KDM7A: variants seen among roughly 807,000 people sequenced by gnomAD.
The protein encoded by KDM7A is lysine demethylase 7A.
In KDM7A, 28 loss-of-function variants were observed where a neutral mutation model predicts 114.8. The ratio of observed to expected loss-of-function variants is 0.24; its 90% CI spans 0.18 to 0.33. The LOEUF is 0.33. KDM7A is among the 10% of genes least tolerant of loss of function. The pLI is 1.00. For synonymous variants in KDM7A, 423 were observed against 397.8 expected (o/e 1.06, Z -0.75); for missense variants, 942 against 1,142.5 (o/e 0.82, Z 2.53).
intron 1 of KDM7A, among the ~76,000 whole-genome samples, chr7:140,144,397 T>C (rs528890292): frequency 5.9e-5 from 9 of 152,224 alleles, no homozygotes; most frequent in African/African-American, 1.9e-4. Flanking sequence ...CTATAAACTC[T>C]TGAAATAAAG....
At chr7:140,097,357 T>C (rs1190720400) in intron 15 of KDM7A, among the ~76,000 whole-genome samples, 188 bp downstream of exon 15, 1 of 152,216 alleles carries the variant, frequency 6.6e-6, no homozygotes, top group Non-Finnish European at 1.5e-5. Context: ...ACAAAAGCTC[T>C]ATGTCTCAAA....
chr7:140,087,856 T>G lies in KDM7A; in HGVS notation c.*3238A>C, dbSNP rs1193370664. 6.6e-6 allele frequency: 1 copy of G among 152,204 alleles called. No individual in the cohort carries two copies. The highest frequency in any genetic ancestry group is 1.5e-5 in the Non-Finnish European group (1 of 68,036). The allele number at this position is 152,204 out of a possible 1,614,324, so 9.4% of individuals were successfully genotyped here. On this transcript the variant is annotated 3_prime_UTR_variant, in exon 20 of 20. Transcript: ENST00000397560. ...GAAACTAAAAAAGTCAGCATGTTTT[T>G]TAATGAACAGGTCCTCTTTTGCTCA...
chr7:140,175,897 T>C (rs973135715), intron 1 of KDM7A, among the ~76,000 whole-genome samples: 2 of 152,046 alleles, frequency 1.3e-5, no homozygotes, highest in African/African-American at 4.8e-5. Flanking sequence ...TTGTAAAGTT[T>C]AAGCCGCGGC....
chr7:140,159,377 T>A (rs563521715), intron 1 of KDM7A, among the ~76,000 whole-genome samples: 24 of 151,138 alleles, frequency 1.6e-4, no homozygotes, highest in African/African-American at 5.9e-4. Flanking sequence ...AAAATTAAAA[T>A]AAAGGATATA....
chr7:140,113,615 A>T (rs761491388), intron 9 of KDM7A, 33 bp from the exon 10 acceptor site: 122 of 1,174,848 alleles, frequency 1.0e-4, no homozygotes, highest in Non-Finnish European at 6.7e-5. Flanking sequence ...AGAAAAAAAA[A>T]TAGTTAAAAT....
At chr7:140,173,929 C>A (rs186144465) in intron 1 of KDM7A, among the ~76,000 whole-genome samples, 36 of 151,950 alleles carry the variant, frequency 2.4e-4, no homozygotes, top group African/African-American at 8.4e-4. Context: ...TTTGGGAGGC[C>A]GAGGTGGGCG....
At chr7:140,116,365 C>T (rs946775465) in intron 9 of KDM7A, among the ~76,000 whole-genome samples, 3 of 151,918 alleles carry the variant, frequency 2.0e-5, no homozygotes, top group African/African-American at 7.3e-5. Context: ...ACAAACAATG[C>T]TGAGTAAAAG....
chr7:140,119,236 A>G lies in KDM7A; in HGVS notation c.1140-17T>C, dbSNP rs766972175. The stretch of plus-strand genomic sequence containing the variant: ...TCATAACACCTAAATGAGTTTGAAG[A>G]AATTTTTAATATTAATATTAGAATT... On this transcript the variant is annotated splice_polypyrimidine_tract_variant and intron_variant, in intron 8 of 19. Coordinates refer to ENST00000397560, the MANE Select transcript of KDM7A (RefSeq NM_030647.2). The G allele has an allele frequency of 8.0e-6, 11 of 1,366,676 alleles. No homozygotes were observed. Among genetic ancestry groups the G allele is most frequent in the Admixed American group, 6.2e-5 (3 of 48,434 alleles). The allele number at this position is 1,366,676 out of a possible 1,614,324, so 84.7% of individuals were successfully genotyped here. A position where few individuals can be genotyped will look rare whatever the true frequency, so the allele number is the denominator to read the frequency against.
intron 7 of KDM7A, among the ~76,000 whole-genome samples, chr7:140,123,781 G>C (rs1389281616): frequency 6.6e-6 from 1 of 152,166 alleles, no homozygotes; most frequent in African/African-American, 2.4e-5. Context: ...ACATGGATAA[G>C]CCTAGAAAAT....
chr7:140,153,199 CG>C (rs1585163144), intron 1 of KDM7A, among the ~76,000 whole-genome samples: 1 of 151,562 alleles, frequency 6.6e-6, no homozygotes, highest in Non-Finnish European at 1.5e-5. Flanking sequence ...AAAATATAGG[CG>C]GTCCTTACTT....
In KDM7A at chr7:140,100,077, C is replaced by T. The variant is rs73469847; in HGVS notation, c.1639-54G>A. ...CCATCCACCCTCAGGTAGCCCTGTT[C>T]GACTGATGGAATACAGTATACCACC... On this transcript the variant is annotated intron_variant, in intron 12 of 19. Coordinates refer to ENST00000397560, the MANE Select transcript of KDM7A (RefSeq NM_030647.2). 5.8e-4 allele frequency: 924 copies of T among 1,595,580 alleles called. 3 individuals carry two copies. The African/African-American group carries it at 9.4e-3, about 16-fold the overall frequency.
At chr7:140,096,414 G>C in intron 17 of KDM7A, 141 bp downstream of exon 17, 1 of 647,694 alleles carries the variant, frequency 1.5e-6, no homozygotes, top group Non-Finnish European at 2.7e-6. Context: ...TGTCAGCATT[G>C]TGCTTTTTTT....
Position 140,092,046 on chromosome 7 carries a change from T to C in KDM7A, c.2489A>G (p.Lys830Arg), listed in dbSNP as rs1368554638. 1.2e-6 allele frequency: 2 copies of C among 1,614,204 alleles called. No individual in the cohort carries two copies. The highest frequency in any genetic ancestry group is 2.2e-5 in the South Asian group (2 of 91,084). ...DLSRSQKCIR[K>R]EGSSEISQRV... The stretch of plus-strand genomic sequence containing the variant: ...CTGACTAATTTCTGATGAACCTTCC[T>C]TTCTGATGCATTTCTGGCTTCTACT... Residue 830 changes from lysine (K) to arginine (R), a missense_variant, in exon 19 of 20, where the codon AAG becomes AGG. Physicochemically the swap from Lys to Arg is conservative, Grantham distance 26. Coordinates refer to ENST00000397560, the MANE Select transcript of KDM7A (RefSeq NM_030647.2).
intron 3 of KDM7A, among the ~76,000 whole-genome samples, chr7:140,130,963 C>T (rs1385725769): frequency 6.7e-6 from 1 of 149,538 alleles, no homozygotes; most frequent in Non-Finnish European, 1.5e-5. Context: ...AGGCCATTCT[C>T]CTGCCTCAGC....
chr7:140,157,156 A>G (rs769767166), intron 1 of KDM7A, among the ~76,000 whole-genome samples: 2 of 152,268 alleles, frequency 1.3e-5, no homozygotes, highest in Non-Finnish European at 2.9e-5. Context: ...ATTGAGCTGT[A>G]TAGGAGGAAA....
intron 4 of KDM7A, 119 bp downstream of exon 4, chr7:140,129,374 T>C: frequency 1.2e-6 from 1 of 831,714 alleles, no homozygotes; most frequent in Non-Finnish European, 1.9e-6. Context: ...ATACTGAGCC[T>C]CACTTTTCTG....
intron 1 of KDM7A, among the ~76,000 whole-genome samples, chr7:140,174,456 G>C (rs1794679487): frequency 1.3e-5 from 2 of 152,100 alleles, no homozygotes; most frequent in Admixed American, 6.5e-5. Context: ...ATTTACAAGT[G>C]TATACTTACA....
At position 140,096,617 on chromosome 7, in the gene KDM7A, C is replaced by T; in HGVS notation, c.2312G>A (p.Ser771Asn). The T allele has an allele frequency of 6.2e-7, 1 of 1,614,174 alleles. No individual in the cohort carries two copies. The highest frequency in any genetic ancestry group is 1.1e-5 in the South Asian group (1 of 91,090). ...GERNSLQDPS[S>N]CHGSNHEVRQ... ...AACCTCATGGTTACTGCCATGGCAGCTGCTGGGATCCTGGAGAGAGTTTCT... is the reference window on the plus strand; with the variant it reads ...AACCTCATGGTTACTGCCATGGCAGTTGCTGGGATCCTGGAGAGAGTTTCT... The change falls in exon 17 of 20, where the codon AGC (serine) becomes AAC (asparagine). Residue 771 changes from serine (S) to asparagine (N), a missense_variant. Transcript: ENST00000397560.
intron 17 of KDM7A, 76 bp downstream of exon 17, chr7:140,096,479 C>T (rs1818111240): frequency 8.7e-7 from 1 of 1,154,618 alleles, no homozygotes; most frequent in South Asian, 1.3e-5. Flanking sequence ...AATCTCTAAC[C>T]TAAATGAGGA....
Sources: gnomAD v4.1 joint callset for allele counts (sites outside exome capture counted in the v4.1 genomes callset) on GRCh38, gnomAD v4.1.1 for gene constraint, MANE v1.5 for transcripts, NCBI Gene and HGNC (gene_info 2026-07-23, HGNC 2026-07-21) for gene names.